The following MYO1E variants were observed in gnomAD, a reference collection of about 807,000 sequenced individuals.
MYO1E encodes myosin IE.
A neutral mutation model predicts 151.1 loss-of-function variants in MYO1E; 68 were observed. The ratio of observed to expected loss-of-function variants is 0.45; its 90% CI spans 0.37 to 0.55. The LOEUF (loss-of-function observed/expected upper bound fraction) is 0.55. Ranked by LOEUF, MYO1E falls within the 20% of genes least tolerant of loss-of-function variation. MYO1E has a pLI of 0.00. For synonymous variants in MYO1E, 601 were observed against 501.7 expected, an observed-to-expected ratio of 1.20 and a Z score of -2.64; for missense variants, 1,363 against 1,389.3, an observed-to-expected ratio of 0.98 and a Z score of 0.30.
rs1164320277 is a variant in MYO1E at position 59,217,519 on chromosome 15, C to CTTTTTTTTTTTTT, written c.1107+359_1107+371dup. 3.0e-3 allele frequency among the ~76,000 whole-genome samples: 162 copies of CTTTTTTTTTTTTT among 53,152 alleles called. 24 individuals are homozygous for CTTTTTTTTTTTTT. Among genetic ancestry groups the CTTTTTTTTTTTTT allele is most frequent in the African/African-American group, 0.011 (152 of 14,378 alleles). 34.9% of individuals were successfully genotyped at this position (53,152 alleles called of 152,430 possible). A position where few individuals can be genotyped will look rare whatever the true frequency, so the allele number is the denominator to read the frequency against. On this transcript the variant is annotated intron_variant, in intron 10 of 27. Transcript: ENST00000288235. Reference sequence around the variant, plus strand: ...AACACAAAACCCTCAGTCGTTTTACCTTTTTTTTTTTTTTTTTTTTTTGGG... The same window carrying CTTTTTTTTTTTTT: ...AACACAAAACCCTCAGTCGTTTTACCTTTTTTTTTTTTTTTTTTTTTTTTTTTTTTTTTTTGGG...
chr15:59,258,815 G>A (rs1402691470), intron 3 of MYO1E, among the ~76,000 whole-genome samples: 3 of 151,690 alleles, frequency 2.0e-5, no homozygotes, highest in African/African-American at 7.3e-5. Flanking sequence ...CAAGATCACA[G>A]CACTGCGCTT....
intron 17 of MYO1E, among the ~76,000 whole-genome samples, chr15:59,191,505 T>C (rs1264294995): frequency 6.6e-6 from 1 of 152,136 alleles, no homozygotes; most frequent in African/African-American, 2.4e-5. Flanking sequence ...CATTTAAAGG[T>C]TCTGCTCATT....
At chr15:59,163,113 T>G (rs1462869179) in intron 23 of MYO1E, 44 bp downstream of exon 23, 1 of 1,608,548 alleles carries the variant, frequency 6.2e-7, no homozygotes, top group Non-Finnish European at 8.5e-7. Context: ...TCAAGACCCC[T>G]TTTTAGCTAC....
chr15:59,269,006 C>T (rs112079591), intron 2 of MYO1E, among the ~76,000 whole-genome samples: 2 of 151,898 alleles, frequency 1.3e-5, no homozygotes, highest in African/African-American at 4.8e-5. Context: ...ATTCCAAGAA[C>T]ATTTCAAAAT....
Position 59,173,774 on chromosome 15 carries a change from G to A in MYO1E, c.2306C>T (p.Thr769Ile). 1 of 1,614,196 alleles carries A rather than the reference G, an allele frequency of 6.2e-7. No homozygotes were observed. Among genetic ancestry groups the A allele is most frequent in the African/African-American group, 1.3e-5 (1 of 75,048 alleles). The change falls in exon 21 of 28, where the codon ACA becomes ATA. Residue 769 changes from threonine (T) to isoleucine (I), a missense_variant. Coordinates refer to ENST00000288235, the MANE Select transcript of MYO1E (RefSeq NM_004998.4). ...GKREKIDFAD[T>I]VTKYDRRFKG... ...GAACCTCCTGTCATACTTGGTGACT[G>A]TGTCTGCGAAATCAATCTTCTCCCT...
At chr15:59,226,915 C>T (rs190029392) in intron 7 of MYO1E, among the ~76,000 whole-genome samples, 3 of 152,358 alleles carry the variant, frequency 2.0e-5, no homozygotes, top group Admixed American at 6.5e-5. Context: ...CTCTCCATGA[C>T]TTCTGAGGGT....
intron 1 of MYO1E, among the ~76,000 whole-genome samples, chr15:59,349,379 G>A (rs2080811495): frequency 6.6e-6 from 1 of 152,018 alleles, no homozygotes; most frequent in South Asian, 2.1e-4. Context: ...TCTAGCTCAG[G>A]GTTAAGGCAG....
intron 1 of MYO1E, among the ~76,000 whole-genome samples, chr15:59,351,422 A>C (rs1392601655): frequency 1.3e-5 from 2 of 152,178 alleles, no homozygotes; most frequent in Admixed American, 6.5e-5. Context: ...GCCCTCACGG[A>C]ATTTATTTGA....
At position 59,160,336 on chromosome 15, in the gene MYO1E, C is replaced by CGTGTGTGTGTGT. The variant is rs55633634; in HGVS notation, c.2785+725_2785+736dup. On this transcript the variant is annotated intron_variant, in intron 24 of 27. Coordinates refer to ENST00000288235, the MANE Select transcript of MYO1E (RefSeq NM_004998.4). Reference sequence around the variant, plus strand: ...AGTTAGACTGGGGTTTGAGGTAGTGCGTGTGTGTGTGTGTGTGTGTGTGTG... The same window carrying CGTGTGTGTGTGT: ...AGTTAGACTGGGGTTTGAGGTAGTGCGTGTGTGTGTGTGTGTGTGTGTGTGTGTGTGTGTGTG... Among the ~76,000 whole-genome samples the CGTGTGTGTGTGT allele has an allele frequency of 1.7e-3, 202 of 120,140 alleles. 2 individuals carry two copies. Among genetic ancestry groups the CGTGTGTGTGTGT allele is most frequent in the African/African-American group, 4.8e-3 (158 of 32,922 alleles). 78.8% of individuals were successfully genotyped at this position (120,140 alleles called of 152,430 possible).
rs1388535137 is a variant in MYO1E, at chr15:59,134,732, C to T, written c.*2648G>A. On this transcript the variant is annotated 3_prime_UTR_variant, in exon 28 of 28. Transcript: ENST00000288235. ...GTGTGCACATGAACACCCCTTATTT[C>T]AAACAGGATGGCAAGTTCCAGAAGG... The T allele has an allele frequency of 6.6e-6, 1 of 152,206 alleles. No individual in the cohort carries two copies. 9.4% of individuals were successfully genotyped at this position (152,206 alleles called of 1,614,324 possible).
intron 2 of MYO1E, chr15:59,271,046 T>C (rs2080286205): frequency 6.6e-6 from 1 of 152,210 alleles, no homozygotes; most frequent in African/African-American, 2.4e-5. Flanking sequence ...TAAAATTCCC[T>C]TATAGTAAAT....
At chr15:59,334,003 A>T (rs541778865) in intron 1 of MYO1E, among the ~76,000 whole-genome samples, 1 of 152,136 alleles carries the variant, frequency 6.6e-6, no homozygotes, top group South Asian at 2.1e-4. Flanking sequence ...AATATGAAGA[A>T]CCTCTCGTCA....
At chr15:59,232,172 A>G (rs2080032328) in intron 5 of MYO1E, among the ~76,000 whole-genome samples, 1 of 152,120 alleles carries the variant, frequency 6.6e-6, no homozygotes, top group Non-Finnish European at 1.5e-5. Flanking sequence ...CCCCTTCCCA[A>G]CTACTCTACC....
At chr15:59,225,500 A>G (rs1271797579) in intron 7 of MYO1E, among the ~76,000 whole-genome samples, 3 of 151,766 alleles carry the variant, frequency 2.0e-5, no homozygotes, top group African/African-American at 7.3e-5. Context: ...TTTCCTCCTT[A>G]TCCTTCAACT....
chr15:59,207,302 C>G (rs1386013429), intron 14 of MYO1E: 3 of 1,614,108 alleles, frequency 1.9e-6, no homozygotes, highest in Non-Finnish European at 2.5e-6. Flanking sequence ...AGCCCTTTCA[C>G]GAAAATGCCA....
intron 1 of MYO1E, among the ~76,000 whole-genome samples, chr15:59,286,481 G>C (rs554540704): frequency 1.2e-3 from 185 of 152,290 alleles, no homozygotes; most frequent in African/African-American, 4.1e-3. Flanking sequence ...TAAAGAGTTG[G>C]ATTTTAAGGA....
intron 2 of MYO1E, among the ~76,000 whole-genome samples, chr15:59,266,207 T>C (rs1249234600): frequency 6.6e-6 from 1 of 152,172 alleles, no homozygotes; most frequent in Non-Finnish European, 1.5e-5. Flanking sequence ...ATTCCAACAA[T>C]GCTCACTCCC....
At chr15:59,139,122 T>G (rs1320266460) in intron 26 of MYO1E, among the ~76,000 whole-genome samples, 1 of 151,998 alleles carries the variant, frequency 6.6e-6, no homozygotes, top group Admixed American at 6.6e-5. Context: ...ACAACCTTAT[T>G]ATGCCTCAGA....
In MYO1E at chr15:59,186,809, G is replaced by C. The variant is rs145457970; in HGVS notation, c.1904+1309C>G. 1.8e-4 allele frequency among the ~76,000 whole-genome samples: 28 copies of C among 152,214 alleles called. No homozygotes were observed. In the East Asian group the frequency reaches 4.6e-3, roughly 25 times the overall value. ...CTTTTTTGTTTCCCTATTCCTTCAA[G>C]GAAATTAAATAGATGTAGAAATACA... On this transcript the variant is annotated intron_variant, in intron 18 of 27. Coordinates refer to ENST00000288235, the MANE Select transcript of MYO1E (RefSeq NM_004998.4).
Sources: allele counts gnomAD v4.1 joint callset (sites outside exome capture counted in the v4.1 genomes callset), GRCh38; gene constraint gnomAD v4.1.1; transcripts MANE v1.5; gene names NCBI Gene and HGNC (gene_info 2026-07-23, HGNC 2026-07-21).